Variants in GRIK3 observed in about 807,000 individuals in gnomAD.
GRIK3 encodes glutamate ionotropic receptor kainate type subunit 3.
Under a neutral mutation model 102.5 loss-of-function variants are expected in GRIK3, and 29 were observed. That is an observed-to-expected ratio of 0.28 (90% confidence interval 0.21 to 0.39). GRIK3 has a LOEUF of 0.39. Among genes scored for constraint, GRIK3 ranks in the 10% least tolerant of loss-of-function variants. The pLI is 1.00. For missense variants in GRIK3, 908 were observed against 1,252.4 expected (o/e 0.73, Z 4.15); for synonymous variants, 511 against 504.9 (o/e 1.01, Z -0.16).
chr1:36,956,969 A>G (rs1043900994), intron 1 of GRIK3, among the ~76,000 whole-genome samples: 2 of 152,264 alleles, frequency 1.3e-5, no homozygotes, highest in African/African-American at 4.8e-5. Flanking sequence ...CTCCACCCGC[A>G]TCACTCTGGG....
rs193206924 is a variant in GRIK3 at position 36,827,727 on chromosome 1, G to A, written c.1531-1901C>T. Among the ~76,000 whole-genome samples the A allele has an allele frequency of 2.0e-3, 299 of 152,302 alleles. 2 individuals carry two copies. The highest frequency in any genetic ancestry group is 3.4e-3 in the Middle Eastern group (1 of 294). Reference sequence around the variant, plus strand: ...TCCAGTCAAAATCAGATGTCAAGGAGGGAAGCGCTAGTATGGATGGAATCA... The same window carrying A: ...TCCAGTCAAAATCAGATGTCAAGGAAGGAAGCGCTAGTATGGATGGAATCA... On this transcript the variant is annotated intron_variant, in intron 10 of 15. Coordinates refer to ENST00000373091, the MANE Select transcript of GRIK3 (RefSeq NM_000831.4).
intron 1 of GRIK3, among the ~76,000 whole-genome samples, chr1:36,932,313 C>A (rs1293685854): frequency 6.6e-6 from 1 of 152,082 alleles, no homozygotes. Context: ...TGGTTAGTGC[C>A]CAATCGTAGA....
chr1:36,955,640 A>G (rs998081194), intron 1 of GRIK3, among the ~76,000 whole-genome samples: 2 of 152,250 alleles, frequency 1.3e-5, no homozygotes, highest in African/African-American at 4.8e-5. Flanking sequence ...GCAGCCAAGC[A>G]TACTGAACAG....
At chr1:36,992,525 G>A (rs953355691) in intron 1 of GRIK3, among the ~76,000 whole-genome samples, 1 of 152,226 alleles carries the variant, frequency 6.6e-6, no homozygotes, top group East Asian at 1.9e-4. Flanking sequence ...GTGAAAGATG[G>A]GGCCAGCCAC....
At chr1:36,914,422 C>G (rs1641377768) in intron 1 of GRIK3, among the ~76,000 whole-genome samples, 1 of 152,220 alleles carries the variant, frequency 6.6e-6, no homozygotes, top group South Asian at 2.1e-4. Context: ...GGCATTTGCT[C>G]TGCTCACATG....
chr1:36,990,552 G>A (rs529886753), intron 1 of GRIK3, among the ~76,000 whole-genome samples: 1 of 152,310 alleles, frequency 6.6e-6, no homozygotes, highest in South Asian at 2.1e-4. Flanking sequence ...CCCCAGACTA[G>A]CTCTCATTAA....
intron 1 of GRIK3, among the ~76,000 whole-genome samples, chr1:36,896,266 T>C (rs1641170352): frequency 6.6e-6 from 1 of 152,138 alleles, no homozygotes; most frequent in South Asian, 2.1e-4. Context: ...TAACAGACAA[T>C]AGTTTGTTCA....
At chr1:36,864,430 A>G (rs1042456620) in intron 5 of GRIK3, among the ~76,000 whole-genome samples, 1 of 152,210 alleles carries the variant, frequency 6.6e-6, no homozygotes, top group Non-Finnish European at 1.5e-5. Context: ...CTCTTCTCCA[A>G]TTCAGTGTTG....
intron 1 of GRIK3, among the ~76,000 whole-genome samples, chr1:37,008,745 C>T (rs919594309): frequency 5.3e-5 from 8 of 152,174 alleles, no homozygotes; most frequent in African/African-American, 1.7e-4. Flanking sequence ...GTCTGAGCTC[C>T]ACTGCCTCCA....
At chr1:36,900,120 A>T (rs1641219080) in intron 1 of GRIK3, among the ~76,000 whole-genome samples, 1 of 152,212 alleles carries the variant, frequency 6.6e-6, no homozygotes, top group African/African-American at 2.4e-5. Context: ...CTCACATGGA[A>T]CATTCAGCAA....
chr1:36,813,759 G>A (rs1465089975), intron 13 of GRIK3, among the ~76,000 whole-genome samples: 6 of 151,296 alleles, frequency 4.0e-5, no homozygotes, highest in South Asian at 4.2e-4. Flanking sequence ...GGGGCGGGGC[G>A]GGGGGTGGTG....
chr1:37,004,032 G>A (rs1642506248), intron 1 of GRIK3, among the ~76,000 whole-genome samples: 1 of 152,114 alleles, frequency 6.6e-6, no homozygotes, highest in Non-Finnish European at 1.5e-5. Context: ...GCAGCACTCG[G>A]CCCAATCTCT....
In GRIK3 at chr1:36,806,436, C is replaced by A. The variant is rs2124178239; in HGVS notation, c.2092-110G>T. The stretch of plus-strand genomic sequence containing the variant: ...TGGGGCCTTGAACTCGGTCTACAAT[C>A]TTCAGAGAAAGGAAGTGCTACACGG... On this transcript the variant is annotated intron_variant, in intron 13 of 15. Transcript: ENST00000373091. The surrounding 1 kb of genome is among the most constrained non-coding windows in gnomAD (Gnocchi z 4.0). 1.5e-6 allele frequency: 1 copy of A among 651,322 alleles called. No individual in the cohort carries two copies. The highest frequency in any genetic ancestry group is 2.7e-6 in the Non-Finnish European group (1 of 372,080). The allele number at this position is 651,322 out of a possible 1,614,324, so 40.3% of individuals were successfully genotyped here.
intron 9 of GRIK3, 146 bp from the exon 10 acceptor site, chr1:36,842,085 A>C (rs72668175): frequency 0.14 from 98,195 of 683,568 alleles, 7,762 homozygotes; most frequent in African/African-American, 0.18. Context: ...TGAAGTCAGG[A>C]GCGGGAAAGC....
At position 36,850,456 on chromosome 1, in the gene GRIK3, G is replaced by A. The variant is rs766273588; in HGVS notation, c.1213-32C>T. The A allele has an allele frequency of 2.6e-5, 35 of 1,334,322 alleles. No homozygotes were observed. Among genetic ancestry groups the A allele is most frequent in the Non-Finnish European group, 3.4e-5 (31 of 925,042 alleles). 82.7% of individuals were successfully genotyped at this position (1,334,322 alleles called of 1,614,324 possible). ...GGACACAGACAGAAAACAGGGTGCCGAGTCCTTGGTCTACCCATCTTCCTC... is the reference window on the plus strand; with the variant it reads ...GGACACAGACAGAAAACAGGGTGCCAAGTCCTTGGTCTACCCATCTTCCTC... On this transcript the variant is annotated intron_variant, in intron 8 of 15. Transcript: ENST00000373091. The surrounding 1 kb of genome is among the most constrained non-coding windows in gnomAD (Gnocchi z 4.0).
In GRIK3 at chr1:36,831,397, C is replaced by T. The variant is rs185764549; in HGVS notation, c.1531-5571G>A. ...CTGCCTAAGTAAACCAGCCTCACTC[C>T]TGCCATGCATACGGGACTATTCCCA... On this transcript the variant is annotated intron_variant, in intron 10 of 15. Transcript: ENST00000373091. 9.8e-4 allele frequency among the ~76,000 whole-genome samples: 150 copies of T among 152,352 alleles called. 2 individuals are homozygous for T. The Middle Eastern group carries it at 0.017, about 17-fold the overall frequency.
intron 1 of GRIK3, among the ~76,000 whole-genome samples, chr1:36,987,629 C>G (rs1642319802): frequency 2.0e-5 from 3 of 152,120 alleles, no homozygotes; most frequent in Admixed American, 6.5e-5. Context: ...TTCAGCACCC[C>G]AGCTTCCCTG....
At chr1:36,881,455 T>A (rs549348916) in intron 2 of GRIK3, among the ~76,000 whole-genome samples, 1 of 152,278 alleles carries the variant, frequency 6.6e-6, no homozygotes, top group East Asian at 1.9e-4. Flanking sequence ...AGCTCCATTG[T>A]CCCTGGACCC....
intron 1 of GRIK3, among the ~76,000 whole-genome samples, chr1:36,975,733 C>T (rs1642189833): frequency 6.6e-6 from 1 of 152,320 alleles, no homozygotes; most frequent in African/African-American, 2.4e-5. Flanking sequence ...CCCACTGCTG[C>T]GTGCTCCTGA....
Sources: gnomAD v4.1 joint callset for allele counts (sites outside exome capture counted in the v4.1 genomes callset) on GRCh38, gnomAD v4.1.1 for gene constraint, Gnocchi (gnomAD v3.1) non-coding constraint, MANE v1.5 for transcripts, NCBI Gene and HGNC (gene_info 2026-07-23, HGNC 2026-07-21) for gene names.